ACER3: variants seen among roughly 807,000 people sequenced by gnomAD.
ACER3 encodes alkaline ceramidase 3, also known as alkCDase 3.
A neutral mutation model predicts 48.9 loss-of-function variants in ACER3; 16 were observed. The ratio of observed to expected loss-of-function variants is 0.33; its 90% CI spans 0.22 to 0.50. The LOEUF is 0.50. Ranked by LOEUF, ACER3 falls within the 20% of genes least tolerant of loss-of-function variation. ACER3 has a pLI of 0.98. For missense variants in ACER3, 227 were observed against 326.0 expected (o/e 0.70, Z 2.34); for synonymous variants, 109 against 107.8 (o/e 1.01, Z -0.07).
At chr11:76,879,312 G>A (rs1945465706) in intron 1 of ACER3, among the ~76,000 whole-genome samples, 1 of 151,994 alleles carries the variant, frequency 6.6e-6, no homozygotes, top group Admixed American at 6.5e-5. Flanking sequence ...TGTAAGGTAG[G>A]GATTGAAGTT....
At chr11:76,931,544 C>T (rs7947126) in intron 2 of ACER3, among the ~76,000 whole-genome samples, 7 of 152,166 alleles carry the variant, frequency 4.6e-5, no homozygotes, top group African/African-American at 9.7e-5. Context: ...TTAGTTGATG[C>T]AGTTTCTTCC....
intron 4 of ACER3, among the ~76,000 whole-genome samples, chr11:76,980,357 A>G (rs1278217704): frequency 6.6e-6 from 1 of 152,216 alleles, no homozygotes; most frequent in Non-Finnish European, 1.5e-5. Context: ...TAACCATCAT[A>G]TAATGGGTAC....
chr11:76,994,176 G>T, intron 6 of ACER3: 1 of 451,462 alleles, frequency 2.2e-6, no homozygotes. Context: ...CTGTCACCCC[G>T]GCTGAAGTGC....
intron 2 of ACER3, among the ~76,000 whole-genome samples, chr11:76,956,117 T>C (rs1183074243): frequency 6.6e-6 from 1 of 152,186 alleles, no homozygotes; most frequent in Non-Finnish European, 1.5e-5. Flanking sequence ...GTTCTAAAAT[T>C]AGGTTGAGGT....
chr11:76,927,060 C>T (rs555857625), intron 2 of ACER3, among the ~76,000 whole-genome samples: 1 of 152,230 alleles, frequency 6.6e-6, no homozygotes, highest in African/African-American at 2.4e-5. Flanking sequence ...CCAGCCCATC[C>T]CCTAAGAGCT....
intron 1 of ACER3, among the ~76,000 whole-genome samples, chr11:76,886,020 A>T (rs1457816876): frequency 2.6e-5 from 4 of 152,256 alleles, no homozygotes. Context: ...ATAAACAATT[A>T]ACCAAGTATA....
intron 2 of ACER3, among the ~76,000 whole-genome samples, chr11:76,956,959 A>T (rs10793217): frequency 0.57 from 86,743 of 151,916 alleles, 27,963 homozygotes; most frequent in Non-Finnish European, 0.74. Flanking sequence ...AATTTTTCTC[A>T]GGTGGCTTCA....
chr11:77,007,910 A>C (rs1280929205), intron 7 of ACER3, among the ~76,000 whole-genome samples: 2 of 152,178 alleles, frequency 1.3e-5, no homozygotes, highest in Non-Finnish European at 2.9e-5. Flanking sequence ...TATATTTCAA[A>C]ATAGCTAAGA....
At chr11:76,895,837 A>G (rs1945915659) in intron 1 of ACER3, among the ~76,000 whole-genome samples, 2 of 152,214 alleles carry the variant, frequency 1.3e-5, no homozygotes, top group Non-Finnish European at 2.9e-5. Context: ...AATAAGCTAA[A>G]TGTTGCTTAA....
rs1332888319 is a variant in ACER3 at position 77,019,728 on chromosome 11, C to T, written c.705-3C>T. 3 of 1,613,830 alleles carry T rather than the reference C, an allele frequency of 1.9e-6. No homozygotes were observed. Among genetic ancestry groups the T allele is most frequent in the Non-Finnish European group, 2.5e-6 (3 of 1,179,812 alleles). Reference sequence around the variant, plus strand: ...AGCTTTCCCCCTCCCACTTTTCTTTCAGTTTGTATACAAGAACACTTTACC... The same window carrying T: ...AGCTTTCCCCCTCCCACTTTTCTTTTAGTTTGTATACAAGAACACTTTACC... On this transcript the variant is annotated splice_region_variant and splice_polypyrimidine_tract_variant and intron_variant, in intron 9 of 10. Coordinates refer to ENST00000532485, the MANE Select transcript of ACER3 (RefSeq NM_018367.7).
At chr11:76,983,466 C>T (rs1344871829) in intron 4 of ACER3, among the ~76,000 whole-genome samples, 2 of 152,028 alleles carry the variant, frequency 1.3e-5, no homozygotes, top group African/African-American at 4.8e-5. Context: ...CAAGTGCGCT[C>T]CACCATGCCC....
chr11:76,875,424 A>AT (rs966893460), intron 1 of ACER3, among the ~76,000 whole-genome samples: 5 of 151,956 alleles, frequency 3.3e-5, no homozygotes, highest in Admixed American at 6.6e-5. Flanking sequence ...CCAACATTTC[A>AT]TTTTTTTAAG....
At chr11:76,929,696 C>G (rs140674660) in intron 2 of ACER3, among the ~76,000 whole-genome samples, 2 of 152,340 alleles carry the variant, frequency 1.3e-5, no homozygotes, top group Non-Finnish European at 2.9e-5. Context: ...TGAATTTCGT[C>G]AAAGGCCTTT....
intron 4 of ACER3, among the ~76,000 whole-genome samples, chr11:76,978,778 G>A (rs950630010): frequency 6.6e-6 from 1 of 152,216 alleles, no homozygotes; most frequent in Non-Finnish European, 1.5e-5. Flanking sequence ...GGGGCTTGGT[G>A]GTTTCTGGCA....
chr11:76,981,122 G>A (rs186858407), intron 4 of ACER3, among the ~76,000 whole-genome samples: 3 of 152,286 alleles, frequency 2.0e-5, no homozygotes, highest in African/African-American at 7.2e-5. Context: ...GGAGCATGGT[G>A]TCCTGTCATA....
intron 7 of ACER3, among the ~76,000 whole-genome samples, chr11:77,013,170 T>C (rs1348756879): frequency 7.9e-5 from 12 of 152,280 alleles, no homozygotes; most frequent in African/African-American, 1.7e-4. Flanking sequence ...ACTAAGATTA[T>C]AGAACTTCTA....
intron 3 of ACER3, among the ~76,000 whole-genome samples, chr11:76,965,094 C>T (rs1948103034): frequency 6.6e-6 from 1 of 151,092 alleles, no homozygotes; most frequent in Admixed American, 6.6e-5. Flanking sequence ...ACTAGAATAA[C>T]CAATGCAGAG....
Position 77,006,956 on chromosome 11 carries a change from A to G in ACER3, c.498-8060A>G, listed in dbSNP as rs1949163853. On this transcript the variant is annotated intron_variant, in intron 7 of 10. Transcript: ENST00000532485. Reference sequence around the variant, plus strand: ...GATACCCCATCTGTAAAAAATAAATATAAAAATTATCCAGGCATTGTGATA... The same window carrying G: ...GATACCCCATCTGTAAAAAATAAATGTAAAAATTATCCAGGCATTGTGATA... Among the ~76,000 whole-genome samples, 3 of 152,088 alleles carry G rather than the reference A, an allele frequency of 2.0e-5. No individual in the cohort carries two copies. The South Asian group carries it at 6.2e-4, about 32-fold the overall frequency.
intron 1 of ACER3, among the ~76,000 whole-genome samples, chr11:76,916,961 G>C (rs532163280): frequency 6.6e-6 from 1 of 152,070 alleles, no homozygotes; most frequent in South Asian, 2.1e-4. Flanking sequence ...CCTCCCTCTT[G>C]TGAGGCCAGA....
Sources: allele counts gnomAD v4.1 joint callset (sites outside exome capture counted in the v4.1 genomes callset), GRCh38; gene constraint gnomAD v4.1.1; transcripts MANE v1.5; gene names NCBI Gene and HGNC (gene_info 2026-07-23, HGNC 2026-07-21).